FLT4: variants seen among roughly 807,000 people sequenced by gnomAD.
FLT4 encodes the protein fms related receptor tyrosine kinase 4.
Under a neutral mutation model 163.2 loss-of-function variants are expected in FLT4, and 30 were observed. The observed-to-expected ratio is 0.18, with a 90% CI of 0.14 to 0.25. The LOEUF (loss-of-function observed/expected upper bound fraction) is 0.25, where lower values mean the gene tolerates loss of function less well. Ranked by LOEUF, FLT4 falls within the 10% of genes least tolerant of loss-of-function variation. FLT4 has a pLI of 1.00. For synonymous variants in FLT4, 884 were observed against 789.5 expected (o/e 1.12, Z -2.01); for missense variants, 1,510 against 1,863.8 (o/e 0.81, Z 3.50).
rs1465883514 is a variant in FLT4 at position 180,649,567 on chromosome 5, C to A, written c.-22G>T. 7.2e-7 allele frequency: 1 copy of A among 1,380,062 alleles called. No individual in the cohort carries two copies. Among genetic ancestry groups the A allele is most frequent in the Admixed American group, 2.8e-5 (1 of 35,410 alleles). 85.5% of individuals were successfully genotyped at this position (1,380,062 alleles called of 1,614,324 possible). ...GCATCTCCGGCCGCTGCGCGTGGGT[C>A]CGACCCGAGCGGCCGCGGCTCGGGG... On this transcript the variant is annotated 5_prime_UTR_variant, in exon 1 of 30. Coordinates refer to ENST00000261937, the MANE Select transcript of FLT4 (RefSeq NM_182925.5).
chr5:180,635,362 A>G (rs866660695), intron 1 of FLT4, among the ~76,000 whole-genome samples: 2 of 12,164 alleles, frequency 1.6e-4, no homozygotes, highest in Non-Finnish European at 1.8e-4. Flanking sequence ...GGGTGGGTGG[A>G]TGGATGGATG....
Position 180,620,207 on chromosome 5 carries a change from G to A in FLT4, c.2508C>T (p.Ser836=), listed in dbSNP as rs201685369. Residue 836 remains serine, a synonymous_variant, in exon 17 of 30, where the codon AGC becomes AGT. Transcript: ENST00000261937. The surrounding 1 kb of genome is among the most constrained non-coding windows in gnomAD (Gnocchi z 4.4). ...EQCEYLSYDA[S]QWEFPRERLH... Reference sequence around the variant, plus strand: ...GCCGCTCTCGGGGGAATTCCCACTGGCTGGCATCGTAGGACAGGTATTCGC... The same window carrying A: ...GCCGCTCTCGGGGGAATTCCCACTGACTGGCATCGTAGGACAGGTATTCGC... 1.0e-4 allele frequency: 167 copies of A among 1,610,236 alleles called. No homozygotes were observed. The highest frequency in any genetic ancestry group is 1.3e-4 in the Non-Finnish European group (149 of 1,179,932).
At position 180,620,999 on chromosome 5, in the gene FLT4, A is replaced by G. The variant is rs2127814154; in HGVS notation, c.2176T>C (p.Leu726=). 4 of 1,611,514 alleles carry G rather than the reference A, an allele frequency of 2.5e-6. No individual in the cohort carries two copies. The highest frequency in any genetic ancestry group is 3.4e-6 in the Non-Finnish European group (4 of 1,179,054). Residue 726 remains leucine (L), a synonymous_variant, in exon 15 of 30, where the codon TTG becomes CTG. Transcript: ENST00000261937. This position sits in a 1 kb window ranked among gnomAD's most constrained non-coding sequence, Gnocchi z 4.4. ...CTCAGCTTCTGGTTGGAGTCCGCCAAGTCGACTCCTGCAGGGGGTGGGGTG... is the reference window on the plus strand; with the variant it reads ...CTCAGCTTCTGGTTGGAGTCCGCCAGGTCGACTCCTGCAGGGGGTGGGGTG... ...RLLEEKSGVD[L]ADSNQKLSIQ... is the part of the protein sequence containing the mutation.
At chr5:180,622,932 C>CCT in intron 11 of FLT4, 93 bp from the exon 12 acceptor site, 1 of 792,558 alleles carries the variant, frequency 1.3e-6, no homozygotes, top group Non-Finnish European at 2.2e-6. Flanking sequence ...TGCACCACCC[C>CCT]CCCCAATCAT....
At position 180,621,459 on chromosome 5, in the gene FLT4, G is replaced by C. The variant is rs576005230; in HGVS notation, c.2020+83C>G. 8 of 1,566,418 alleles carry C rather than the reference G, an allele frequency of 5.1e-6. No homozygotes were observed. The African/African-American group carries it at 6.7e-5, about 13-fold the overall frequency. ...GCCAGGGCTGTGAATAGACCTCCCA[G>C]GGGCGAGCCACGCCGGGGCAAAGGC... On this transcript the variant is annotated intron_variant, in intron 13 of 29. Transcript: ENST00000261937.
At chr5:180,643,129 T>C (rs1241876650) in intron 1 of FLT4, among the ~76,000 whole-genome samples, 3 of 152,242 alleles carry the variant, frequency 2.0e-5, no homozygotes, top group Non-Finnish European at 2.9e-5. Flanking sequence ...CAAAATGTAA[T>C]CATCTCTTCC....
At position 180,620,245 on chromosome 5, in the gene FLT4, G is replaced by T. The variant is rs796052104; in HGVS notation, c.2470C>A (p.Leu824Met). The change falls in exon 17 of 30, where the codon CTG (leucine) becomes ATG (methionine). Residue 824 changes from leucine to methionine, a missense_variant. By Grantham distance (15) the Leu-to-Met change is conservative. Coordinates refer to ENST00000261937, the MANE Select transcript of FLT4 (RefSeq NM_182925.5). The surrounding 1 kb of genome is among the most constrained non-coding windows in gnomAD (Gnocchi z 4.4). ...GACAGGTATTCGCATTGCTCCTCCA[G>T]AGGCACCTCCCCGGGGTCCATGATG... is the stretch of plus-strand genomic sequence containing the variant. ...SIIMDPGEVP[L>M]EEQCEYLSYD... The T allele has an allele frequency of 6.2e-7, 1 of 1,612,146 alleles. No individual in the cohort carries two copies.
In FLT4 at chr5:180,603,189, T is replaced by A; in HGVS notation, c.*3A>T. The A allele has an allele frequency of 6.2e-7, 1 of 1,613,784 alleles. No homozygotes were observed. The highest frequency in any genetic ancestry group is 8.5e-7 in the Non-Finnish European group (1 of 1,180,002). On this transcript the variant is annotated 3_prime_UTR_variant, in exon 30 of 30. Coordinates refer to ENST00000261937, the MANE Select transcript of FLT4 (RefSeq NM_182925.5). ...AAGTGCTGGGGGTCTTGTCCGATGC[T>A]GCTTAGTAGCTGTTGTCTGTGAAGA...
intron 1 of FLT4, among the ~76,000 whole-genome samples, chr5:180,646,995 A>G (rs971721244): frequency 6.6e-6 from 1 of 152,080 alleles, no homozygotes; most frequent in Non-Finnish European, 1.5e-5. Flanking sequence ...GAAGGTCCCC[A>G]GGCCCAAGTA....
chr5:180,603,644 G>T (rs1250401424), intron 29 of FLT4, among the ~76,000 whole-genome samples: 1 of 152,214 alleles, frequency 6.6e-6, no homozygotes, highest in Non-Finnish European at 1.5e-5. Context: ...GCTCATGCCT[G>T]TAATCCCAGC....
intron 13 of FLT4, 129 bp downstream of exon 13, chr5:180,621,413 C>A: frequency 6.9e-7 from 1 of 1,455,908 alleles, no homozygotes; most frequent in South Asian, 1.3e-5. Context: ...GGCGGATAGT[C>A]AGGAGGGGTA....
chr5:180,602,589 T>C lies in FLT4; in HGVS notation c.*603A>G. The C allele has an allele frequency of 4.9e-6, 2 of 404,762 alleles. No homozygotes were observed. Among genetic ancestry groups the C allele is most frequent in the East Asian group, 7.1e-5 (2 of 28,332 alleles). The allele number at this position is 404,762 out of a possible 1,614,324, so 25.1% of individuals were successfully genotyped here. A position where few individuals can be genotyped will look rare whatever the true frequency, so the allele number is the denominator to read the frequency against. Reference sequence around the variant, plus strand: ...GTGTTGCCAGCGTATAATACTGTCATACTGGTGGCCACCCCAGGGGCTAGT... The same window carrying C: ...GTGTTGCCAGCGTATAATACTGTCACACTGGTGGCCACCCCAGGGGCTAGT... On this transcript the variant is annotated 3_prime_UTR_variant, in exon 30 of 30. Transcript: ENST00000261937.
At chr5:180,641,805 A>C (rs1765135796) in intron 1 of FLT4, among the ~76,000 whole-genome samples, 1 of 152,144 alleles carries the variant, frequency 6.6e-6, no homozygotes. Context: ...TCTTTGCTGT[A>C]TGGTCTTGGG....
At chr5:180,639,102 GATGGATGGATGA>G (rs1468529597) in intron 1 of FLT4, among the ~76,000 whole-genome samples, 2 of 151,794 alleles carry the variant, frequency 1.3e-5, no homozygotes, top group South Asian at 2.1e-4. Context: ...TGGACGCATG[GATGGATGGATGA>G]ATGGATGGAT....
In FLT4 at chr5:180,620,128, G is replaced by A. The variant is rs765424330; in HGVS notation, c.2542+45C>T. ...CAGGCACTCCGGCCTGCAGCAGGTG[G>A]GTCGGGCAGGAGGTGTGGGTTGGGC... On this transcript the variant is annotated intron_variant, in intron 17 of 29. Coordinates refer to ENST00000261937, the MANE Select transcript of FLT4 (RefSeq NM_182925.5). The surrounding 1 kb of genome is among the most constrained non-coding windows in gnomAD (Gnocchi z 4.4). 1 of 1,584,264 alleles carries A rather than the reference G, an allele frequency of 6.3e-7. No individual in the cohort carries two copies. The highest frequency in any genetic ancestry group is 1.3e-5 in the African/African-American group (1 of 74,490).
rs577876612 is a variant in FLT4, at chr5:180,612,748, C to CGTT, written c.3432-140_3432-138dup. The stretch of plus-strand genomic sequence containing the variant: ...TCTCCCACTCTTGTCCAGCTACCCT[C>CGTT]GTTCCTCCTTCAAGTGTTAGCCCAG... On this transcript the variant is annotated intron_variant, in intron 25 of 29. Coordinates refer to ENST00000261937, the MANE Select transcript of FLT4 (RefSeq NM_182925.5). 2.0e-3 allele frequency: 1,480 copies of CGTT among 722,952 alleles called. 7 individuals carry two copies. The highest frequency in any genetic ancestry group is 3.7e-3 in the Middle Eastern group (13 of 3,508). The allele number at this position is 722,952 out of a possible 1,614,324, so 44.8% of individuals were successfully genotyped here. A position where few individuals can be genotyped will look rare whatever the true frequency, so the allele number is the denominator to read the frequency against.
At chr5:180,609,201 C>A in intron 28 of FLT4, 148 bp from the exon 29 acceptor site, 1 of 695,562 alleles carries the variant, frequency 1.4e-6, no homozygotes, top group Non-Finnish European at 2.6e-6. Context: ...ACAAGGCGTC[C>A]ATTCCATCCC....
At chr5:180,610,134 G>A in intron 27 of FLT4, 109 bp from the exon 28 acceptor site, 2 of 1,532,968 alleles carry the variant, frequency 1.3e-6, no homozygotes, top group East Asian at 2.3e-5. Flanking sequence ...CCCCCCGCCT[G>A]GGGCAGGAGT....
rs1333005497 is a variant in FLT4, at chr5:180,626,156, C to T, written c.1213G>A (p.Ala405Thr). Residue 405 changes from alanine to threonine, a missense_variant, in exon 9 of 30, where the codon GCT (alanine) becomes ACT (threonine). Transcript: ENST00000261937. ...GTYTLALWNSAAGLRRNISLE... is the reference protein window; with the variant it reads ...GTYTLALWNSTAGLRRNISLE... ...CTGATGTTGCGCCTCAGGCCAGCAG[C>T]GGAGTTCCACAGGGCGAGGGTGTAG... is the stretch of plus-strand genomic sequence containing the variant. The T allele has an allele frequency of 4.3e-6, 7 of 1,612,872 alleles. No homozygotes were observed. The highest frequency in any genetic ancestry group is 5.9e-6 in the Non-Finnish European group (7 of 1,180,020).
Sources: gnomAD v4.1 joint callset for allele counts (sites outside exome capture counted in the v4.1 genomes callset) on GRCh38, gnomAD v4.1.1 for gene constraint, Gnocchi (gnomAD v3.1) non-coding constraint, MANE v1.5 for transcripts, NCBI Gene and HGNC (gene_info 2026-07-23, HGNC 2026-07-21) for gene names.